Variants in CSNK1A1 observed in about 807,000 individuals in gnomAD.
The protein encoded by CSNK1A1 is casein kinase I isoform alpha.
CSNK1A1 carries 7 observed loss-of-function variants against 46.1 expected under a neutral mutation model. The ratio of observed to expected loss-of-function variants is 0.15; its 90% CI spans 0.09 to 0.29. The LOEUF (loss-of-function observed/expected upper bound fraction) is 0.29. CSNK1A1 is among the 10% of genes least tolerant of loss of function. The pLI is 1.00. For synonymous variants in CSNK1A1, 137 were observed against 141.5 expected, an observed-to-expected ratio of 0.97 and a Z score of 0.23; for missense variants, 96 against 417.1, an observed-to-expected ratio of 0.23 and a Z score of 6.71.
At chr5:149,533,910 A>T (rs1761973101) in intron 2 of CSNK1A1, among the ~76,000 whole-genome samples, 1 of 152,254 alleles carries the variant, frequency 6.6e-6, no homozygotes, top group South Asian at 2.1e-4. Flanking sequence ...ATAAAAGCAG[A>T]TTAGTAGTTG....
intron 4 of CSNK1A1, among the ~76,000 whole-genome samples, chr5:149,515,858 A>C (rs1035253933): frequency 1.3e-5 from 2 of 152,266 alleles, no homozygotes; most frequent in Non-Finnish European, 2.9e-5. Flanking sequence ...GCGTAAGATA[A>C]TGCATTTTTA....
chr5:149,501,308 G>A (rs575738796), intron 9 of CSNK1A1: 1 of 985,360 alleles, frequency 1.0e-6, no homozygotes, highest in Non-Finnish European at 1.2e-6. Context: ...GCAAGAAGAT[G>A]CGGTTCCCTG....
At position 149,510,008 on chromosome 5, in the gene CSNK1A1, T is replaced by C. The variant is rs112916597; in HGVS notation, c.676-55A>G. On this transcript the variant is annotated intron_variant, in intron 6 of 9. Transcript: ENST00000377843. ...TACTCAGTGCTACTGAGAAGAACCATGGTAGTTTAACGCACTAGACATATA... is the reference window on the plus strand; with the variant it reads ...TACTCAGTGCTACTGAGAAGAACCACGGTAGTTTAACGCACTAGACATATA... 6,229 of 1,279,252 alleles carry C rather than the reference T, an allele frequency of 4.9e-3. 30 individuals are homozygous for C. Among genetic ancestry groups the C allele is most frequent in the Middle Eastern group, 0.013 (70 of 5,338 alleles). The allele number at this position is 1,279,252 out of a possible 1,614,324, so 79.2% of individuals were successfully genotyped here.
intron 3 of CSNK1A1, among the ~76,000 whole-genome samples, chr5:149,522,528 T>C (rs1761604443): frequency 6.6e-6 from 1 of 152,242 alleles, no homozygotes; most frequent in African/African-American, 2.4e-5. Context: ...GTAGTATCTG[T>C]TAGGATTCTA....
chr5:149,546,331 A>C (rs1284960803), intron 2 of CSNK1A1, among the ~76,000 whole-genome samples: 2 of 152,158 alleles, frequency 1.3e-5, no homozygotes, highest in East Asian at 3.9e-4. Context: ...AAGATATACC[A>C]AAGTATCTTA....
At chr5:149,501,605 TA>T in intron 9 of CSNK1A1, 3 of 985,286 alleles carry the variant, frequency 3.0e-6, no homozygotes, top group Non-Finnish European at 3.6e-6. Context: ...ATTATTATGA[TA>T]AAACTCTGCT....
intron 2 of CSNK1A1, among the ~76,000 whole-genome samples, chr5:149,537,225 A>G (rs1762084781): frequency 6.6e-6 from 1 of 151,884 alleles, no homozygotes; most frequent in Non-Finnish European, 1.5e-5. Flanking sequence ...AAAATACAAA[A>G]ATTAGCCGGG....
At chr5:149,518,020 T>G (rs1761450703) in intron 4 of CSNK1A1, 2 of 534,592 alleles carry the variant, frequency 3.7e-6, no homozygotes, top group South Asian at 2.8e-5. Context: ...GCACTGTAGC[T>G]TCTCAGTTTT....
At chr5:149,497,033 A>G (rs1760674570) in intron 9 of CSNK1A1, 173 bp from the exon 10 acceptor site, 6 of 1,424,670 alleles carry the variant, frequency 4.2e-6, no homozygotes, top group Non-Finnish European at 5.5e-6. Flanking sequence ...ACATGAATCT[A>G]TACTTAAAAC....
chr5:149,550,046 C>A lies in CSNK1A1; in HGVS notation c.230+29G>T. ...CTTCCCCATTCCGTGCTTCCCTCAGCGGATCGCCTATATGCACCGGGTTCT... is the reference window on the plus strand; with the variant it reads ...CTTCCCCATTCCGTGCTTCCCTCAGAGGATCGCCTATATGCACCGGGTTCT... On this transcript the variant is annotated intron_variant, in intron 2 of 9. Coordinates refer to ENST00000377843, the MANE Select transcript of CSNK1A1 (RefSeq NM_001892.6). This position sits in a 1 kb window ranked among gnomAD's most constrained non-coding sequence, Gnocchi z 4.3. 1 of 1,604,094 alleles carries A rather than the reference C, an allele frequency of 6.2e-7. No homozygotes were observed.
chr5:149,533,045 A>C (rs1356932301), intron 2 of CSNK1A1, among the ~76,000 whole-genome samples: 1 of 152,168 alleles, frequency 6.6e-6, no homozygotes, highest in Non-Finnish European at 1.5e-5. Context: ...TCCTTTGCTT[A>C]CAACATTACC....
chr5:149,506,992 A>G (rs1260428856), intron 8 of CSNK1A1, 35 bp downstream of exon 8: 1 of 1,514,724 alleles, frequency 6.6e-7, no homozygotes, highest in Non-Finnish European at 9.1e-7. Flanking sequence ...TTTCCCTCAC[A>G]GAGTTTATAA....
intron 2 of CSNK1A1, among the ~76,000 whole-genome samples, chr5:149,534,668 C>G (rs1336577802): frequency 2.0e-5 from 3 of 152,020 alleles, no homozygotes; most frequent in African/African-American, 7.3e-5. Flanking sequence ...CGATAGCTCA[C>G]ACCTGTAATC....
chr5:149,548,443 T>C (rs1762547724), intron 2 of CSNK1A1, among the ~76,000 whole-genome samples: 1 of 151,870 alleles, frequency 6.6e-6, no homozygotes, highest in African/African-American at 2.4e-5. Flanking sequence ...AGTGCAGCTC[T>C]GCAATTCCAG....
At position 149,511,843 on chromosome 5, in the gene CSNK1A1, T is replaced by C; in HGVS notation, c.626A>G (p.Tyr209Cys). The stretch of plus-strand genomic sequence containing the variant: ...GGTTCTATTAAAATACATCAAAACA[T>C]ATCCTAATGATTCCATGTCATCTCG... ...SRRDDMESLG[Y>C]VLMYFNRTSL... Residue 209 changes from tyrosine (Y) to cysteine (C), a missense_variant, in exon 6 of 10, where the codon TAT (tyrosine) becomes TGT (cysteine). Coordinates refer to ENST00000377843, the MANE Select transcript of CSNK1A1 (RefSeq NM_001892.6). 6.2e-7 allele frequency: 1 copy of C among 1,610,870 alleles called. No individual in the cohort carries two copies. Among genetic ancestry groups the C allele is most frequent in the Non-Finnish European group, 8.5e-7 (1 of 1,178,574 alleles).
chr5:149,520,214 G>A (rs748528784), intron 4 of CSNK1A1, 76 bp downstream of exon 4: 3 of 912,744 alleles, frequency 3.3e-6, no homozygotes, highest in Non-Finnish European at 5.1e-6. Context: ...CTTTTTAAAA[G>A]ATTGAAAAGT....
At chr5:149,527,837 A>C (rs2113133719) in intron 2 of CSNK1A1, among the ~76,000 whole-genome samples, 1 of 152,300 alleles carries the variant, frequency 6.6e-6, no homozygotes, top group Middle Eastern at 3.4e-3. Context: ...AAGGCGCAAA[A>C]AGTCAAATAG....
intron 2 of CSNK1A1, among the ~76,000 whole-genome samples, chr5:149,549,076 C>T (rs1762575508): frequency 6.6e-6 from 1 of 152,134 alleles, no homozygotes; most frequent in Non-Finnish European, 1.5e-5. Flanking sequence ...ATCTTTTATC[C>T]TCGTTACTGC....
chr5:149,521,615 ATT>A (rs879396057), intron 3 of CSNK1A1, among the ~76,000 whole-genome samples: 5 of 136,488 alleles, frequency 3.7e-5, no homozygotes, highest in African/African-American at 2.7e-5. Flanking sequence ...TTCCATGAGG[ATT>A]TTTTTTTTTT....
Sources: allele counts gnomAD v4.1 joint callset (sites outside exome capture counted in the v4.1 genomes callset), GRCh38; gene constraint gnomAD v4.1.1; non-coding constraint Gnocchi (gnomAD v3.1); transcripts MANE v1.5; gene names NCBI Gene and HGNC (gene_info 2026-07-23, HGNC 2026-07-21).